Variants in PTK6 observed in about 807,000 individuals in gnomAD.
PTK6 encodes the protein protein tyrosine kinase 6, also known as protein-tyrosine kinase 6.
PTK6 carries 47 observed loss-of-function variants against 47.5 expected under a neutral mutation model. The ratio of observed to expected loss-of-function variants is 0.99; its 90% CI spans 0.78 to 1.26. The LOEUF is 1.26. PTK6 is among the 50% of genes most tolerant of loss of function. The pLI, the probability that PTK6 is intolerant of heterozygous loss-of-function variation, is 0.00. For missense variants in PTK6, 618 were observed against 625.3 expected, an observed-to-expected ratio of 0.99 and a Z score of 0.12; for synonymous variants, 287 against 276.5, an observed-to-expected ratio of 1.04 and a Z score of -0.38.
chr20:63,529,083 C>T lies in PTK6; in HGVS notation c.*453G>A, dbSNP rs1346807170. On this transcript the variant is annotated 3_prime_UTR_variant, in exon 8 of 8. Transcript: ENST00000542869. This position sits in a 1 kb window ranked among gnomAD's most constrained non-coding sequence, Gnocchi z 5.6. ...ACAAACAGGAAAGAAACACCTGCCCCTGGGAGGAAAGAACCCTTGAGCACC... is the reference window on the plus strand; with the variant it reads ...ACAAACAGGAAAGAAACACCTGCCCTTGGGAGGAAAGAACCCTTGAGCACC... The T allele has an allele frequency of 6.5e-6, 1 of 153,272 alleles. No homozygotes were observed. The highest frequency in any genetic ancestry group is 6.5e-5 in the Admixed American group (1 of 15,356). The allele number at this position is 153,272 out of a possible 1,614,324, so 9.5% of individuals were successfully genotyped here.
intron 1 of PTK6, 41 bp downstream of exon 1, chr20:63,537,044 G>T: frequency 6.4e-7 from 1 of 1,557,662 alleles, no homozygotes; most frequent in South Asian, 1.2e-5. Context: ...GTGCCTAGAG[G>T]GTGGCCTGTG....
chr20:63,532,407 G>GCA, intron 5 of PTK6, 119 bp downstream of exon 5: 1 of 1,276,960 alleles, frequency 7.8e-7, no homozygotes, highest in Admixed American at 2.1e-5. Flanking sequence ...GTGCATGTGT[G>GCA]TGTCTGTGTG....
chr20:63,532,866 C>T (rs895244479), intron 4 of PTK6, among the ~76,000 whole-genome samples, 179 bp from the exon 5 acceptor site: 52 of 152,324 alleles, frequency 3.4e-4, no homozygotes, highest in African/African-American at 1.1e-3. Context: ...CAGATGCAGC[C>T]GGCCCCACAG....
At position 63,530,282 on chromosome 20, in the gene PTK6, C is replaced by T; in HGVS notation, c.1015-51G>A. On this transcript the variant is annotated intron_variant, in intron 6 of 7. Coordinates refer to ENST00000542869, the MANE Select transcript of PTK6 (RefSeq NM_005975.4). The surrounding 1 kb of genome is among the most constrained non-coding windows in gnomAD (Gnocchi z 4.1). Reference sequence around the variant, plus strand: ...GCCGTGGGGGCTGCCTGTGCCCTGCCCCCGAAGCATGGACGGGCACAGCGG... The same window carrying T: ...GCCGTGGGGGCTGCCTGTGCCCTGCTCCCGAAGCATGGACGGGCACAGCGG... 6.2e-7 allele frequency: 1 copy of T among 1,601,070 alleles called. No homozygotes were observed. The highest frequency in any genetic ancestry group is 8.5e-7 in the Non-Finnish European group (1 of 1,170,964).
At chr20:63,532,379 C>T (rs545091893) in intron 5 of PTK6, 147 bp downstream of exon 5, 314 of 996,204 alleles carry the variant, frequency 3.2e-4, no homozygotes, top group Non-Finnish European at 4.1e-4. Flanking sequence ...CTCTGTGTGT[C>T]TGTGTCTGTG....
rs1333559755 is a variant in PTK6, at chr20:63,534,975, C to G, written c.315G>C (p.Arg105Ser). 2.5e-6 allele frequency: 4 copies of G among 1,607,976 alleles called. No individual in the cohort carries two copies. In the Admixed American group the frequency reaches 6.7e-5, roughly 27 times the overall value. Residue 105 changes from arginine (R) to serine (S), a missense_variant, in exon 2 of 8, where the codon AGG (arginine) becomes AGC (serine). By Grantham distance (110) the Arg-to-Ser change is moderately radical. Transcript: ENST00000542869. Reference sequence around the variant, plus strand: ...AGTCGGCACTCGGCTTCTCGCTGACCCTGATCAGGAAGGCGCCCGTGGCGT... The same window carrying G: ...AGTCGGCACTCGGCTTCTCGCTGACGCTGATCAGGAAGGCGCCCGTGGCGT... ...EGNATGAFLI[R>S]VSEKPSADYV...
chr20:63,529,049 A>G lies in PTK6; in HGVS notation c.*487T>C, dbSNP rs1321023193. 6.6e-6 allele frequency: 1 copy of G among 152,656 alleles called. No individual in the cohort carries two copies. Among genetic ancestry groups the G allele is most frequent in the African/African-American group, 2.4e-5 (1 of 41,468 alleles). 9.5% of individuals were successfully genotyped at this position (152,656 alleles called of 1,614,324 possible). A position where few individuals can be genotyped will look rare whatever the true frequency, so the allele number is the denominator to read the frequency against. On this transcript the variant is annotated 3_prime_UTR_variant, in exon 8 of 8. Transcript: ENST00000542869. This position sits in a 1 kb window ranked among gnomAD's most constrained non-coding sequence, Gnocchi z 5.6. ...CACTGGTCATAAGGCCAAGCTCTCA[A>G]GACACAAGACAAACAGGAAAGAAAC...
In PTK6 at chr20:63,530,342, C is replaced by T. The variant is rs1600931515; in HGVS notation, c.1015-111G>A. On this transcript the variant is annotated intron_variant, in intron 6 of 7. Transcript: ENST00000542869. This position sits in a 1 kb window ranked among gnomAD's most constrained non-coding sequence, Gnocchi z 4.1. ...CCCAGCAGTGGGACGGTGATGACCC[C>T]ACTGTCTGACCCACGCACGGCCGCT... 13 of 1,395,176 alleles carry T rather than the reference C, an allele frequency of 9.3e-6. No individual in the cohort carries two copies. In the East Asian group the frequency reaches 1.6e-4, roughly 18 times the overall value. The allele number at this position is 1,395,176 out of a possible 1,614,324, so 86.4% of individuals were successfully genotyped here. A position where few individuals can be genotyped will look rare whatever the true frequency, so the allele number is the denominator to read the frequency against.
chr20:63,531,407 C>T (rs1278005026), intron 5 of PTK6, among the ~76,000 whole-genome samples: 9 of 119,566 alleles, frequency 7.5e-5, no homozygotes, highest in African/African-American at 9.9e-5. Context: ...GGCGACAGAG[C>T]CAGACTCCGT....
At position 63,537,223 on chromosome 20, in the gene PTK6, G is replaced by A. The variant is rs142028257; in HGVS notation, c.92C>T (p.Ala31Val). The A allele has an allele frequency of 3.6e-5, 58 of 1,612,340 alleles. No homozygotes were observed. The highest frequency in any genetic ancestry group is 1.3e-4 in the Admixed American group (8 of 59,986). The part of the protein sequence containing the change: ...SRTDEELSFR[A>V]GDVFHVARKE... ...CCTGGCCACGTGGAAGACGTCCCCC[G>A]CGCGGAAGCTCAGCTCCTCGTCCGT... is the stretch of plus-strand genomic sequence containing the variant. The change falls in exon 1 of 8, where the codon GCG becomes GTG. Residue 31 changes from alanine (A) to valine (V), a missense_variant. Transcript: ENST00000542869.
At chr20:63,531,048 G>T (rs1372415399) in intron 5 of PTK6, 121 bp from the exon 6 acceptor site, 10 of 913,306 alleles carry the variant, frequency 1.1e-5, no homozygotes, top group Non-Finnish European at 1.4e-5. Context: ...GGAGGGGCCG[G>T]GGCAAAGGGC....
rs1427495896 is a variant in PTK6 at position 63,533,229 on chromosome 20, G to A, written c.670+322C>T. Among the ~76,000 whole-genome samples the A allele has an allele frequency of 1.3e-5, 2 of 152,052 alleles. No homozygotes were observed. The highest frequency in any genetic ancestry group is 2.1e-4 in the South Asian group (1 of 4,816). Reference sequence around the variant, plus strand: ...ACTACAGGCACATGCCTCCACACTCGGCTAATTTTTGTATTTTTAGTAGAG... The same window carrying A: ...ACTACAGGCACATGCCTCCACACTCAGCTAATTTTTGTATTTTTAGTAGAG... On this transcript the variant is annotated intron_variant, in intron 4 of 7. Transcript: ENST00000542869. The surrounding 1 kb of genome is among the most constrained non-coding windows in gnomAD (Gnocchi z 4.0).
At chr20:63,532,458 G>T (rs1256099934) in intron 5 of PTK6, 68 bp downstream of exon 5, 10 of 1,512,396 alleles carry the variant, frequency 6.6e-6, no homozygotes, top group Middle Eastern at 2.4e-4. Context: ...CGTGGGGGGG[G>T]GGTGTGCACT....
chr20:63,532,570 A>T lies in PTK6; in HGVS notation c.788T>A (p.Ile263Asn), dbSNP rs911987241. ...GCTGCCCTTGGCCATGAGCTCCGTG[A>T]TGATGTACACGGGGTCCCCCACGGA... is the stretch of plus-strand genomic sequence containing the variant. Reference protein sequence around the residue: ...VVSVGDPVYIITELMAKGSLL... With the variant: ...VVSVGDPVYINTELMAKGSLL... The change falls in exon 5 of 8, where the codon ATC becomes AAC. Residue 263 changes from isoleucine (I) to asparagine (N), a missense_variant. Transcript: ENST00000542869. 1 of 1,613,730 alleles carries T rather than the reference A, an allele frequency of 6.2e-7. No individual in the cohort carries two copies. The highest frequency in any genetic ancestry group is 1.3e-5 in the African/African-American group (1 of 74,942).
chr20:63,529,476 C>A lies in PTK6; in HGVS notation c.*60G>T. 1 of 1,466,606 alleles carries A rather than the reference C, an allele frequency of 6.8e-7. No homozygotes were observed. Among genetic ancestry groups the A allele is most frequent in the South Asian group, 1.4e-5 (1 of 72,496 alleles). 90.8% of individuals were successfully genotyped at this position (1,466,606 alleles called of 1,614,324 possible). ...AAGCGCGTGGGCCTTGATCCCAGGT[C>A]CAGGCCCTCTGCCCAGGCCCCTCCT... On this transcript the variant is annotated 3_prime_UTR_variant, in exon 8 of 8. Coordinates refer to ENST00000542869, the MANE Select transcript of PTK6 (RefSeq NM_005975.4). This position sits in a 1 kb window ranked among gnomAD's most constrained non-coding sequence, Gnocchi z 5.6.
In PTK6 at chr20:63,532,489, G is replaced by A. The variant is rs370600416; in HGVS notation, c.832+37C>T. 44 of 1,577,950 alleles carry A rather than the reference G, an allele frequency of 2.8e-5. No homozygotes were observed. The Middle Eastern group carries it at 9.9e-4, about 36-fold the overall frequency. On this transcript the variant is annotated intron_variant, in intron 5 of 7. Coordinates refer to ENST00000542869, the MANE Select transcript of PTK6 (RefSeq NM_005975.4). ...GCACTTTATTTCCTCACGTGCCCCC[G>A]CTGCCTCCAGCAAGAGCCCCGGCCC...
chr20:63,537,112 G>A lies in PTK6; in HGVS notation c.203C>T (p.Ala68Val). 1 of 1,610,524 alleles carries A rather than the reference G, an allele frequency of 6.2e-7. No homozygotes were observed. The highest frequency in any genetic ancestry group is 8.5e-7 in the Non-Finnish European group (1 of 1,179,060). The part of the protein sequence containing the change: ...AQGYVPHNYL[A>V]ERETVESEPW... ...TTCCGACTCCACCGTCTCCCTCTCG[G>A]CCAGGTAGTTGTGGGGCACATAGCC... The change falls in exon 1 of 8, where the codon GCC (alanine) becomes GTC (valine). Residue 68 changes from alanine (A) to valine (V), a missense_variant. Physicochemically the swap from Ala to Val is moderately conservative, Grantham distance 64. Coordinates refer to ENST00000542869, the MANE Select transcript of PTK6 (RefSeq NM_005975.4).
At position 63,533,712 on chromosome 20, in the gene PTK6, A is replaced by G. The variant is rs6011881; in HGVS notation, c.517-8T>C. 0.027 allele frequency: 43,021 copies of G among 1,609,532 alleles called. 8,002 individuals carry two copies. The African/African-American group carries it at 0.45, about 17-fold the overall frequency. ...CAGGGGCTCAGGCTCGTGCTGGAGG[A>G]AGAGTCGGGGACACAGGGCAGGGGC... On this transcript the variant is annotated splice_region_variant and splice_polypyrimidine_tract_variant and intron_variant, in intron 3 of 7. Transcript: ENST00000542869. The surrounding 1 kb of genome is among the most constrained non-coding windows in gnomAD (Gnocchi z 4.0).
chr20:63,535,430 C>A (rs1473276119), intron 1 of PTK6, among the ~76,000 whole-genome samples: 2 of 151,862 alleles, frequency 1.3e-5, no homozygotes, highest in Admixed American at 1.3e-4. Context: ...TCACAAACCC[C>A]CACACATGCG....
Sources: allele counts gnomAD v4.1 joint callset (sites outside exome capture counted in the v4.1 genomes callset), GRCh38; gene constraint gnomAD v4.1.1; non-coding constraint Gnocchi (gnomAD v3.1); transcripts MANE v1.5; gene names NCBI Gene and HGNC (gene_info 2026-07-23, HGNC 2026-07-21).